AKT3: variants seen among roughly 807,000 people sequenced by gnomAD.
AKT3 encodes the protein AKT serine/threonine kinase 3, also known as RAC-gamma serine/threonine-protein kinase.
A neutral mutation model predicts 65.3 loss-of-function variants in AKT3; 15 were observed. The ratio of observed to expected loss-of-function variants is 0.23; its 90% confidence interval spans 0.15 to 0.35. The LOEUF is 0.35. Ranked by LOEUF, AKT3 falls within the 10% of genes least tolerant of loss-of-function variation. The pLI is 1.00. For missense variants in AKT3, 243 were observed against 576.5 expected (o/e 0.42, Z 5.92); for synonymous variants, 206 against 183.8 (o/e 1.12, Z -0.98).
At chr1:243,647,850 T>A (rs1680957981) in intron 4 of AKT3, among the ~76,000 whole-genome samples, 1 of 152,234 alleles carries the variant, frequency 6.6e-6, no homozygotes, top group Non-Finnish European at 1.5e-5. Flanking sequence ...ATTGTTTTCA[T>A]CCCCCTTGAA....
chr1:243,810,490 T>C (rs1693063375), intron 2 of AKT3, among the ~76,000 whole-genome samples: 1 of 152,112 alleles, frequency 6.6e-6, no homozygotes, highest in Admixed American at 6.6e-5. Context: ...AAGTTGAATC[T>C]CTGAAAGGAC....
chr1:243,823,812 C>T (rs1290161631), intron 2 of AKT3, among the ~76,000 whole-genome samples: 4 of 152,120 alleles, frequency 2.6e-5, no homozygotes, highest in South Asian at 2.1e-4. Flanking sequence ...GAATCAATAT[C>T]GTGAAAATGG....
chr1:243,614,695 G>A (rs1272085577), intron 7 of AKT3, among the ~76,000 whole-genome samples: 7 of 152,038 alleles, frequency 4.6e-5, no homozygotes, highest in Admixed American at 4.6e-4. Context: ...TTGAAGAAAT[G>A]CTTCTGATCA....
intron 2 of AKT3, among the ~76,000 whole-genome samples, chr1:243,749,861 A>T (rs1329756449): frequency 6.6e-6 from 1 of 152,012 alleles, no homozygotes; most frequent in South Asian, 2.1e-4. Flanking sequence ...ACTACTACTG[A>T]TCTCCACAAA....
intron 2 of AKT3, among the ~76,000 whole-genome samples, chr1:243,714,971 C>T (rs575345021): frequency 6.6e-6 from 1 of 152,022 alleles, no homozygotes; most frequent in Non-Finnish European, 1.5e-5. Flanking sequence ...TCAACTAGAA[C>T]TCATATGAAT....
At chr1:243,820,354 AC>A (rs1450942244) in intron 2 of AKT3, among the ~76,000 whole-genome samples, 2 of 152,196 alleles carry the variant, frequency 1.3e-5, no homozygotes, top group Admixed American at 6.5e-5. Context: ...GAAAGAATCA[AC>A]GAAAAAAACA....
At chr1:243,759,335 T>A (rs71537335) in intron 2 of AKT3, among the ~76,000 whole-genome samples, 8,737 of 47,712 alleles carry the variant, frequency 0.18, 709 homozygotes, top group African/African-American at 0.25. Context: ...AAAATAAAAT[T>A]AAATTAAATT....
intron 4 of AKT3, among the ~76,000 whole-genome samples, chr1:243,647,440 C>G (rs954302436): frequency 6.6e-6 from 1 of 152,244 alleles, no homozygotes; most frequent in African/African-American, 2.4e-5. Flanking sequence ...CTAGGTTTGT[C>G]CAAGTAGTAT....
intron 3 of AKT3, among the ~76,000 whole-genome samples, chr1:243,684,008 A>T (rs1452966781): frequency 1.3e-5 from 2 of 152,180 alleles, no homozygotes; most frequent in Non-Finnish European, 2.9e-5. Flanking sequence ...TGTCTTCCAA[A>T]GCCCAGGGTT....
exon 14 of AKT3, chr1:243,488,442 GGA>G: frequency 1.8e-5 from 3 of 162,294 alleles, no homozygotes; most frequent in South Asian, 1.7e-4. Context: ...GCTGGCTGTA[GGA>G]AGCCGACTGT....
intron 2 of AKT3, 39 bp downstream of exon 2, chr1:243,843,086 C>CT (rs376506663): frequency 6.2e-7 from 1 of 1,610,804 alleles, no homozygotes; most frequent in Non-Finnish European, 8.5e-7. Context: ...TGCTAGCACT[C>CT]TTACCAACCG....
chr1:243,492,324 C>T (rs1457250713), intron 13 of AKT3, among the ~76,000 whole-genome samples: 38 of 54,434 alleles, frequency 7.0e-4, no homozygotes, highest in Non-Finnish European at 1.0e-3. Context: ...TTTTTTGAGA[C>T]GGAGTCTTGC....
At chr1:243,606,477 T>C (rs1023034777) in intron 8 of AKT3, among the ~76,000 whole-genome samples, 3 of 152,228 alleles carry the variant, frequency 2.0e-5, no homozygotes, top group Admixed American at 6.5e-5. Context: ...ATTTTGCCCC[T>C]GCCCTAGAGA....
intron 2 of AKT3, among the ~76,000 whole-genome samples, chr1:243,730,983 A>C (rs935757782): frequency 3.9e-5 from 6 of 152,272 alleles, no homozygotes; most frequent in African/African-American, 1.4e-4. Flanking sequence ...GTTTGCCCTC[A>C]TCAGGCGTGG....
chr1:243,701,066 TCTA>T (rs1356619102), intron 2 of AKT3, among the ~76,000 whole-genome samples: 1 of 152,230 alleles, frequency 6.6e-6, no homozygotes, highest in Admixed American at 6.5e-5. Flanking sequence ...TCATCAACAC[TCTA>T]CTGAGAATCA....
At chr1:243,773,674 C>A (rs1690350080) in intron 2 of AKT3, among the ~76,000 whole-genome samples, 1 of 152,156 alleles carries the variant, frequency 6.6e-6, no homozygotes, top group African/African-American at 2.4e-5. Flanking sequence ...GTCATACTCA[C>A]AAGCTCATTG....
chr1:243,668,527 T>C (rs934593530), intron 3 of AKT3, among the ~76,000 whole-genome samples: 1 of 151,892 alleles, frequency 6.6e-6, no homozygotes, highest in Non-Finnish European at 1.5e-5. Flanking sequence ...AGATATGAAA[T>C]AGCACTCTGG....
At chr1:243,647,940 T>C (rs1010313267) in intron 4 of AKT3, among the ~76,000 whole-genome samples, 2 of 152,170 alleles carry the variant, frequency 1.3e-5, no homozygotes, top group African/African-American at 4.8e-5. Flanking sequence ...ATCTGCATAT[T>C]TTTAATGAAA....
chr1:243,661,836 A>G (rs1409905026), intron 4 of AKT3, among the ~76,000 whole-genome samples: 4 of 149,644 alleles, frequency 2.7e-5, no homozygotes. Flanking sequence ...CAGAATCTAC[A>G]ATGAACTCAA....
Sources: gnomAD v4.1 joint callset for allele counts (sites outside exome capture counted in the v4.1 genomes callset) on GRCh38, gnomAD v4.1.1 for gene constraint, MANE v1.5 for transcripts, NCBI Gene and HGNC (gene_info 2026-07-23, HGNC 2026-07-21) for gene names.